The following RBMX2 variants were observed in gnomAD, a reference collection of about 807,000 sequenced individuals.
The protein encoded by RBMX2 is RNA binding motif protein X-linked 2.
For synonymous variants in RBMX2, 77 were observed against 94.3 expected (o/e 0.82, Z 1.07); for missense variants, 191 against 256.0 (o/e 0.75, Z 1.73).
chrX:130,402,224 T>TTGCCGCCCCCC, intron 1 of RBMX2, 31 bp from the exon 2 acceptor site: 1 of 1,174,331 alleles, frequency 8.5e-7, no homozygotes, highest in Non-Finnish European at 1.1e-6. Context: ...CTTTTCTGCC[T>TTGCCGCCCCCC]ACCCTCCCCA....
At chrX:130,409,430 G>A (rs763360654) in intron 4 of RBMX2, 44 bp downstream of exon 4, 4 of 1,156,004 alleles carry the variant, frequency 3.5e-6, no homozygotes, top group Non-Finnish European at 3.5e-6. Context: ...TTTTTCCCAT[G>A]TATAGGGGTT....
intron 3 of RBMX2, among the ~76,000 whole-genome samples, chrX:130,405,107 G>A (rs1033511968): frequency 1.8e-5 from 2 of 112,013 alleles, no homozygotes; most frequent in Non-Finnish European, 3.8e-5. Flanking sequence ...GGCTGGGTGC[G>A]GTGGCTCACG....
Position 130,412,423 on chromosome X carries a change from G to A in RBMX2, c.544G>A (p.Glu182Lys), listed in dbSNP as rs781675047. ...KEKADREVQA[E>K]QPSSSSPRRK... is the part of the protein sequence containing the mutation. ...GAAAGCCGACCGGGAGGTACAGGCA[G>A]AGCAACCATCCTCTTCGTCACCCAG... Residue 182 changes from glutamate to lysine, a missense_variant, in exon 6 of 6, where the codon GAG (glutamate) becomes AAG (lysine). Physicochemically the swap from Glu to Lys is moderately conservative, Grantham distance 56. Transcript: ENST00000305536. The A allele has an allele frequency of 1.7e-6, 2 of 1,208,023 alleles. No homozygotes were observed. Among genetic ancestry groups the A allele is most frequent in the Admixed American group, 4.4e-5 (2 of 45,531 alleles).
At position 130,411,447 on chromosome X, in the gene RBMX2, G is replaced by A. The variant is rs753720356; in HGVS notation, c.403G>A (p.Gly135Ser). 8.3e-7 allele frequency: 1 copy of A among 1,208,948 alleles called. No homozygotes were observed. The highest frequency in any genetic ancestry group is 1.1e-6 in the Non-Finnish European group (1 of 894,362). Residue 135 changes from glycine to serine, a missense_variant, in exon 5 of 6, where the codon GGC (glycine) becomes AGC (serine). Gly to Ser is a moderately conservative substitution (Grantham distance 56). Coordinates refer to ENST00000305536, the MANE Select transcript of RBMX2 (RefSeq NM_016024.4). ...DDVTRQLQEKGCGARTPSPSL... is the reference protein window; with the variant it reads ...DDVTRQLQEKSCGARTPSPSL... ...TGTGACCAGACAACTCCAGGAGAAGGGCTGTGGGGCTCGTACCCCCTCACC... is the reference window on the plus strand; with the variant it reads ...TGTGACCAGACAACTCCAGGAGAAGAGCTGTGGGGCTCGTACCCCCTCACC...
rs1449747445 is a variant in RBMX2 at position 130,413,354 on chromosome X, C to T, written c.*506C>T. On this transcript the variant is annotated 3_prime_UTR_variant, in exon 6 of 6. Transcript: ENST00000305536. ...CTTTTTTGTTCGATATGCCTCTTTC[C>T]ACATTTTTTCCTTGCAATGTATTTA... The T allele has an allele frequency of 8.9e-6, 1 of 112,427 alleles. No individual in the cohort carries two copies. The highest frequency in any genetic ancestry group is 3.3e-5 in the African/African-American group (1 of 30,725). The allele number at this position is 112,427 out of a possible 1,213,427, so 9.3% of individuals were successfully genotyped here.
At chrX:130,412,286 C>CTT (rs879030425) in intron 5 of RBMX2, 75 bp from the exon 6 acceptor site, 126 of 821,848 alleles carry the variant, frequency 1.5e-4, no homozygotes, top group Middle Eastern at 4.4e-4. Context: ...AAGAAAGGTG[C>CTT]TTTTTTTTTT....
At chrX:130,402,495 C>T (rs770500564) in intron 2 of RBMX2, 125 bp downstream of exon 2, 3 of 1,062,418 alleles carry the variant, frequency 2.8e-6, no homozygotes, top group East Asian at 3.4e-5. Context: ...CATCTGCTGT[C>T]TGCCCGGGAA....
Position 130,413,004 on chromosome X carries a change from C to T in RBMX2, c.*156C>T. On this transcript the variant is annotated 3_prime_UTR_variant, in exon 6 of 6. Coordinates refer to ENST00000305536, the MANE Select transcript of RBMX2 (RefSeq NM_016024.4). ...GTCATTGGGAGGGCTGCAGTTTCAACAGCTAGATATCCTGGATATTGTTTG... is the reference window on the plus strand; with the variant it reads ...GTCATTGGGAGGGCTGCAGTTTCAATAGCTAGATATCCTGGATATTGTTTG... 1 of 507,027 alleles carries T rather than the reference C, an allele frequency of 2.0e-6. No individual in the cohort carries two copies. The highest frequency in any genetic ancestry group is 3.1e-6 in the Non-Finnish European group (1 of 317,489). 41.8% of individuals were successfully genotyped at this position (507,027 alleles called of 1,213,427 possible). A position where few individuals can be genotyped will look rare whatever the true frequency, so the allele number is the denominator to read the frequency against.
Position 130,412,961 on chromosome X carries a change from A to G in RBMX2, c.*113A>G, listed in dbSNP as rs1259792495. On this transcript the variant is annotated 3_prime_UTR_variant, in exon 6 of 6. Coordinates refer to ENST00000305536, the MANE Select transcript of RBMX2 (RefSeq NM_016024.4). ...AAACTTCTGGGGCTGGATTCTTTTA[A>G]TCCCTTGACTATTTAGAGTCATTGG... 3.4e-5 allele frequency: 27 copies of G among 790,060 alleles called. No homozygotes were observed. The highest frequency in any genetic ancestry group is 4.8e-5 in the Non-Finnish European group (27 of 567,783). 65.1% of individuals were successfully genotyped at this position (790,060 alleles called of 1,213,427 possible).
intron 2 of RBMX2, among the ~76,000 whole-genome samples, chrX:130,403,226 G>C (rs2034465460): frequency 8.9e-6 from 1 of 112,406 alleles, no homozygotes; most frequent in Admixed American, 9.4e-5. Context: ...TTGTCCATAG[G>C]ATTTTGGGTG....
Position 130,412,647 on chromosome X carries a change from G to C in RBMX2, c.768G>C (p.Arg256Ser), listed in dbSNP as rs368786388. 26 of 1,206,915 alleles carry C rather than the reference G, an allele frequency of 2.2e-5. No homozygotes were observed. In the African/African-American group the frequency reaches 3.4e-4, roughly 16 times the overall value. The part of the protein sequence containing the change: ...KPKHEHKSSS[R>S]REAREEKTRI... ...AGCACGAGCACAAGTCCTCAAGCAGGAGGGAGGCAAGAGAAGAAAAGACCA... is the reference window on the plus strand; with the variant it reads ...AGCACGAGCACAAGTCCTCAAGCAGCAGGGAGGCAAGAGAAGAAAAGACCA... Residue 256 changes from arginine (R) to serine (S), a missense_variant, in exon 6 of 6, where the codon AGG (arginine) becomes AGC (serine). Transcript: ENST00000305536.
At chrX:130,408,214 T>G (rs751015048) in intron 3 of RBMX2, among the ~76,000 whole-genome samples, 1 of 111,178 alleles carries the variant, frequency 9.0e-6, no homozygotes, top group East Asian at 2.8e-4. Flanking sequence ...CCCAGGCTGG[T>G]CTTGAACTGC....
At chrX:130,402,190 G>A in intron 1 of RBMX2, 65 bp from the exon 2 acceptor site, 2 of 1,173,846 alleles carry the variant, frequency 1.7e-6, no homozygotes, top group South Asian at 3.8e-5. Context: ...CCTCAGCTCC[G>A]GCCGGTTCGC....
intron 3 of RBMX2, among the ~76,000 whole-genome samples, chrX:130,407,729 C>T (rs992073831): frequency 9.3e-6 from 1 of 108,029 alleles, no homozygotes; most frequent in Non-Finnish European, 1.9e-5. Context: ...ATGATCCTAG[C>T]TCACTGCAGC....
At chrX:130,402,225 A>ACCCCC (rs1569459651) in intron 1 of RBMX2, 30 bp from the exon 2 acceptor site, 10 of 983,503 alleles carry the variant, frequency 1.0e-5, no homozygotes, top group African/African-American at 1.0e-4. Context: ...TTTTCTGCCT[A>ACCCCC]CCCTCCCCAC....
Position 130,413,128 on chromosome X carries a change from G to T in RBMX2, c.*280G>T. The stretch of plus-strand genomic sequence containing the variant: ...ACCCCAGTTGAAGATGGAATTTTCA[G>T]GAAAGGGAAAATACTAGATAATTCT... On this transcript the variant is annotated 3_prime_UTR_variant, in exon 6 of 6. Coordinates refer to ENST00000305536, the MANE Select transcript of RBMX2 (RefSeq NM_016024.4). 4.8e-6 allele frequency: 1 copy of T among 207,015 alleles called. No homozygotes were observed. The highest frequency in any genetic ancestry group is 8.7e-6 in the Non-Finnish European group (1 of 114,375). 17.1% of individuals were successfully genotyped at this position (207,015 alleles called of 1,213,427 possible).
chrX:130,411,206 G>A, intron 4 of RBMX2, 142 bp from the exon 5 acceptor site: 1 of 534,769 alleles, frequency 1.9e-6, no homozygotes, highest in Non-Finnish European at 2.9e-6. Context: ...CACACCAGTT[G>A]GACAGGTCTG....
In RBMX2 at chrX:130,402,004, T is replaced by G; in HGVS notation, c.-29T>G. The G allele has an allele frequency of 2.5e-6, 3 of 1,186,322 alleles. No individual in the cohort carries two copies. Among genetic ancestry groups the G allele is most frequent in the South Asian group, 1.9e-5 (1 of 53,779 alleles). On this transcript the variant is annotated 5_prime_UTR_variant, in exon 1 of 6. The change creates a new upstream start codon in the 5' untranslated region. Coordinates refer to ENST00000305536, the MANE Select transcript of RBMX2 (RefSeq NM_016024.4). The stretch of plus-strand genomic sequence containing the variant: ...TGCGCTGCCTTTCCCGGGCGCTGAT[T>G]CCTGAGTGCTGAGCGCGAACCCGAG...
intron 3 of RBMX2, among the ~76,000 whole-genome samples, chrX:130,407,772 C>T (rs534402728): frequency 1.2e-4 from 13 of 108,513 alleles, no homozygotes; most frequent in South Asian, 4.1e-4. Flanking sequence ...ATCCGCCCCA[C>T]GCACCCTCCT....
Sources: allele counts gnomAD v4.1 joint callset (sites outside exome capture counted in the v4.1 genomes callset), GRCh38; gene constraint gnomAD v4.1.1; transcripts MANE v1.5; gene names NCBI Gene and HGNC (gene_info 2026-07-23, HGNC 2026-07-21).